The following PSMD11 variants were observed in gnomAD, a reference collection of about 807,000 sequenced individuals.
The protein encoded by PSMD11 is 26S proteasome non-ATPase regulatory subunit 11.
In PSMD11, 5 loss-of-function variants were observed where a neutral mutation model predicts 62.3. That is an observed-to-expected ratio of 0.08 (90% CI 0.04 to 0.17). The LOEUF (loss-of-function observed/expected upper bound fraction) is 0.17, where lower values mean the gene tolerates loss of function less well. Among genes scored for constraint, PSMD11 ranks in the 10% least tolerant of loss-of-function variants. The probability of loss-of-function intolerance (pLI) is 1.00; values close to 1 mark genes in which losing one functional copy is unlikely to be tolerated. For missense variants in PSMD11, 310 were observed against 512.9 expected, an observed-to-expected ratio of 0.60 and a Z score of 3.82; for synonymous variants, 191 against 191.8, an observed-to-expected ratio of 1.00 and a Z score of 0.03.
At chr17:32,455,807 A>G (rs1423568503) in intron 3 of PSMD11, among the ~76,000 whole-genome samples, 1 of 152,178 alleles carries the variant, frequency 6.6e-6, no homozygotes, top group African/African-American at 2.4e-5. Flanking sequence ...AAAGTTATTT[A>G]GGGTATTAGT....
At chr17:32,480,421 G>A (rs575591991) in intron 12 of PSMD11, 68 bp from the exon 13 acceptor site, 1 of 1,582,594 alleles carries the variant, frequency 6.3e-7, no homozygotes, top group Non-Finnish European at 8.7e-7. Flanking sequence ...CTAGGGAGTG[G>A]GCTGCTTCAC....
intron 8 of PSMD11, 55 bp from the exon 9 acceptor site, chr17:32,477,466 G>A (rs1908361674): frequency 4.1e-6 from 6 of 1,461,614 alleles, no homozygotes; most frequent in Non-Finnish European, 5.6e-6. Context: ...TGAGACTTGG[G>A]TAAATGTTAG....
chr17:32,472,967 C>T (rs1908212896), intron 6 of PSMD11, among the ~76,000 whole-genome samples: 3 of 150,624 alleles, frequency 2.0e-5, no homozygotes, highest in Admixed American at 6.6e-5. Flanking sequence ...ACTAGCCTGG[C>T]GAACATACGG....
rs964444598 is a variant in PSMD11 at position 32,481,767 on chromosome 17, A to G, written c.*1015A>G. The G allele has an allele frequency of 3.8e-4, 58 of 151,890 alleles. No individual in the cohort carries two copies. The highest frequency in any genetic ancestry group is 1.4e-3 in the African/African-American group (57 of 41,452). 9.4% of individuals were successfully genotyped at this position (151,890 alleles called of 1,614,324 possible). A position where few individuals can be genotyped will look rare whatever the true frequency, so the allele number is the denominator to read the frequency against. On this transcript the variant is annotated 3_prime_UTR_variant, in exon 14 of 14. Coordinates refer to ENST00000261712, the MANE Select transcript of PSMD11 (RefSeq NM_002815.4). ...GATGGATTTATTCCTTTTTTAAACA[A>G]TGAACATCGGAAATGAGACTGTGGG... is the stretch of plus-strand genomic sequence containing the variant.
chr17:32,457,555 G>C (rs1460896262), intron 3 of PSMD11, among the ~76,000 whole-genome samples: 2 of 152,088 alleles, frequency 1.3e-5, no homozygotes, highest in Non-Finnish European at 2.9e-5. Context: ...TTTTTTGATG[G>C]TTAGCAGCTT....
chr17:32,466,481 T>G (rs1259876457), intron 5 of PSMD11, among the ~76,000 whole-genome samples: 1 of 152,246 alleles, frequency 6.6e-6, no homozygotes, highest in African/African-American at 2.4e-5. Flanking sequence ...GGGTTTATGT[T>G]GTAGCATGTG....
At chr17:32,444,640 G>A (rs1006378752) in intron 1 of PSMD11, 26 bp downstream of exon 1, 3 of 1,609,328 alleles carry the variant, frequency 1.9e-6, no homozygotes, top group Non-Finnish European at 2.5e-6. Flanking sequence ...CCGCCTCCCC[G>A]GCCCCGCCGG....
chr17:32,459,069 C>T (rs1315161282), intron 3 of PSMD11, among the ~76,000 whole-genome samples: 16 of 139,852 alleles, frequency 1.1e-4, no homozygotes, highest in Non-Finnish European at 2.0e-4. Flanking sequence ...CACTCCAGCC[C>T]GGGCAAGAGT....
Position 32,477,539 on chromosome 17 carries a change from G to A in PSMD11, c.868G>A (p.Val290Met), listed in dbSNP as rs761320521. The A allele has an allele frequency of 3.1e-6, 5 of 1,607,494 alleles. No individual in the cohort carries two copies. Among genetic ancestry groups the A allele is most frequent in the Non-Finnish European group, 4.2e-6 (5 of 1,177,228 alleles). The change falls in exon 9 of 14, where the codon GTG (valine) becomes ATG (methionine). Residue 290 changes from valine to methionine, a missense_variant. Physicochemically the swap from Val to Met is conservative, Grantham distance 21 (BLOSUM62 1). Transcript: ENST00000261712. ...AGRQTEALKCVAQASKNRSLA... is the reference protein window; with the variant it reads ...AGRQTEALKCMAQASKNRSLA... ...TTCTCAGACAGAAGCATTAAAATGC[G>A]TGGCTCAGGCTAGCAAGAACAGATC... is the stretch of plus-strand genomic sequence containing the variant.
intron 8 of PSMD11, among the ~76,000 whole-genome samples, chr17:32,476,437 C>CT (rs1484218664): frequency 1.3e-5 from 2 of 152,142 alleles, no homozygotes; most frequent in African/African-American, 2.4e-5. Context: ...CATTTTGACA[C>CT]TTTTTTCTGT....
chr17:32,471,209 G>T (rs1169270026), intron 6 of PSMD11, among the ~76,000 whole-genome samples: 14 of 152,176 alleles, frequency 9.2e-5, no homozygotes, highest in African/African-American at 3.4e-4. Context: ...TGCCTCCCAA[G>T]CTTGGAAAGA....
intron 2 of PSMD11, among the ~76,000 whole-genome samples, chr17:32,450,680 T>C (rs1907466869): frequency 6.6e-6 from 1 of 151,852 alleles, no homozygotes; most frequent in African/African-American, 2.4e-5. Context: ...ATTAACTCAG[T>C]ATGTATGAAA....
At chr17:32,480,346 A>G (rs1384212223) in intron 12 of PSMD11, 143 bp from the exon 13 acceptor site, 5 of 1,444,996 alleles carry the variant, frequency 3.5e-6, no homozygotes, top group Non-Finnish European at 4.8e-6. Flanking sequence ...ATGTGTAATA[A>G]GCATGTGTAC....
At chr17:32,458,302 A>G (rs1473196568) in intron 3 of PSMD11, among the ~76,000 whole-genome samples, 1 of 152,142 alleles carries the variant, frequency 6.6e-6, no homozygotes, top group African/African-American at 2.4e-5. Context: ...GGTTTTCTAT[A>G]ATACAACCTA....
rs1277657678 is a variant in PSMD11, at chr17:32,477,999, C to T, written c.912+416C>T. ...ACAGTTGTAGGCATTCCTTCAGCTC[C>T]AGAAATGCCAGGTCTGCTCCTCTGT... is the stretch of plus-strand genomic sequence containing the variant. On this transcript the variant is annotated intron_variant, in intron 9 of 13. Transcript: ENST00000261712. 2.0e-5 allele frequency among the ~76,000 whole-genome samples: 3 copies of T among 152,188 alleles called. No individual in the cohort carries two copies. In the East Asian group the frequency reaches 5.8e-4, roughly 29 times the overall value.
At chr17:32,473,385 T>C in intron 6 of PSMD11, among the ~76,000 whole-genome samples, 1 of 151,832 alleles carries the variant, frequency 6.6e-6, no homozygotes, top group East Asian at 1.9e-4. Flanking sequence ...GAAGTGATTC[T>C]CCTTCCTCAG....
chr17:32,476,621 G>GCCT (rs1908329796), intron 8 of PSMD11: 1 of 152,220 alleles, frequency 6.6e-6, no homozygotes, highest in Non-Finnish European at 1.5e-5. Flanking sequence ...TAATCTCCCA[G>GCCT]AAAGATGAGT....
At chr17:32,479,056 C>T (rs1908414142) in intron 9 of PSMD11, among the ~76,000 whole-genome samples, 195 bp from the exon 10 acceptor site, 2 of 152,154 alleles carry the variant, frequency 1.3e-5, no homozygotes, top group African/African-American at 2.4e-5. Context: ...ACTCCAGGTG[C>T]GTGCCACCAA....
chr17:32,478,070 G>A (rs1200780709), intron 9 of PSMD11, among the ~76,000 whole-genome samples: 6 of 152,184 alleles, frequency 3.9e-5, no homozygotes, highest in African/African-American at 7.2e-5. Flanking sequence ...CCAAAGAAAC[G>A]TCCTCAGGGT....
Sources: gnomAD v4.1 joint callset for allele counts (sites outside exome capture counted in the v4.1 genomes callset) on GRCh38, gnomAD v4.1.1 for gene constraint, MANE v1.5 for transcripts, NCBI Gene and HGNC (gene_info 2026-07-23, HGNC 2026-07-21) for gene names.